Variants in ZNF516 observed in about 807,000 individuals in gnomAD.
ZNF516 encodes zinc finger protein 516.
In ZNF516, 19 loss-of-function variants were observed where a neutral mutation model predicts 79.7. The observed-to-expected ratio is 0.24, with a 90% CI of 0.17 to 0.35. ZNF516 has a LOEUF of 0.35. ZNF516 is among the 10% of genes least tolerant of loss of function. The probability of loss-of-function intolerance (pLI) is 1.00; values close to 1 mark genes in which losing one functional copy is unlikely to be tolerated. For missense variants in ZNF516, 1,678 were observed against 1,679.5 expected (o/e 1.00, Z 0.02); for synonymous variants, 877 against 739.5 (o/e 1.19, Z -3.02).
chr18:76,441,132 C>T (rs2075812062), intron 3 of ZNF516, 113 bp downstream of exon 3: 13 of 1,409,364 alleles, frequency 9.2e-6, no homozygotes, highest in Admixed American at 5.4e-5. Flanking sequence ...GAGTAAAGGG[C>T]CACCGGGTAA....
rs1487844580 is a variant in ZNF516, at chr18:76,370,515, T to C, written c.3432+13A>G. The C allele has an allele frequency of 3.8e-6, 6 of 1,597,776 alleles. No homozygotes were observed. Among genetic ancestry groups the C allele is most frequent in the Non-Finnish European group, 5.1e-6 (6 of 1,171,220 alleles). On this transcript the variant is annotated intron_variant, in intron 6 of 6. Transcript: ENST00000443185. The stretch of plus-strand genomic sequence containing the variant: ...CATCGAAACCCAGACATCCAATTCA[T>C]CATGAGACCTACTTGTTTGGGGGCG...
intron 3 of ZNF516, among the ~76,000 whole-genome samples, chr18:76,413,746 A>G (rs1056322928): frequency 1.3e-5 from 2 of 152,222 alleles, no homozygotes; most frequent in South Asian, 2.1e-4. Flanking sequence ...TGACTGTATA[A>G]AACTAAAATT....
At chr18:76,463,647 C>T (rs2145685728) in intron 1 of ZNF516, among the ~76,000 whole-genome samples, 1 of 152,314 alleles carries the variant, frequency 6.6e-6, no homozygotes, top group South Asian at 2.1e-4. Context: ...GCAGCATCTG[C>T]GTTTACAAAA....
intron 1 of ZNF516, among the ~76,000 whole-genome samples, chr18:76,483,296 G>A (rs559056814): frequency 1.3e-5 from 2 of 152,254 alleles, no homozygotes; most frequent in Non-Finnish European, 2.9e-5. Context: ...AAGAAAGGAG[G>A]AGAATGCACA....
chr18:76,378,175 G>A (rs2074818230), intron 4 of ZNF516: 1 of 152,248 alleles, frequency 6.6e-6, no homozygotes. Flanking sequence ...CGCATGCAGT[G>A]CGCGTGCCGG....
Position 76,441,754 on chromosome 18 carries a change from A to G in ZNF516, c.1301T>C (p.Leu434Pro). ...CGCCTCGTCCCAGGCCCCGTACTTG[A>G]GGTACTCGGCCGGCTCGGCCACCTT... ...RGKVAEPAEY[L>P]KYGAWDEALA... Residue 434 changes from leucine to proline, a missense_variant, in exon 3 of 7, where the codon CTC (leucine) becomes CCC (proline). Leu to Pro is a moderately conservative substitution (Grantham distance 98). Transcript: ENST00000443185. The G allele has an allele frequency of 6.4e-7, 1 of 1,571,084 alleles. No individual in the cohort carries two copies. Among genetic ancestry groups the G allele is most frequent in the African/African-American group, 1.3e-5 (1 of 74,160 alleles).
intron 3 of ZNF516, among the ~76,000 whole-genome samples, chr18:76,418,987 G>C (rs2075472321): frequency 6.6e-6 from 1 of 152,236 alleles, no homozygotes; most frequent in Non-Finnish European, 1.5e-5. Flanking sequence ...AGAGCAAGCT[G>C]GTGCCCAGCT....
chr18:76,404,400 T>C (rs1309179898), intron 3 of ZNF516, among the ~76,000 whole-genome samples: 1 of 147,328 alleles, frequency 6.8e-6, no homozygotes, highest in East Asian at 1.9e-4. Context: ...AGAGTATCTG[T>C]GTGAGTGTGG....
chr18:76,454,825 T>C (rs1912622297), intron 2 of ZNF516, among the ~76,000 whole-genome samples: 1 of 152,326 alleles, frequency 6.6e-6, no homozygotes, highest in East Asian at 1.9e-4. Flanking sequence ...TGTAACAATG[T>C]TGTTACATTA....
At chr18:76,418,181 A>G (rs1410168914) in intron 3 of ZNF516, among the ~76,000 whole-genome samples, 1 of 152,044 alleles carries the variant, frequency 6.6e-6, no homozygotes, top group Admixed American at 6.5e-5. Context: ...ACACGCTGCA[A>G]CACATGCTAT....
rs1006598920 is a variant in ZNF516 at position 76,390,912 on chromosome 18, C to A, written c.1811-10609G>T. On this transcript the variant is annotated intron_variant, in intron 3 of 6. Transcript: ENST00000443185. ...TTTTGTAGATACGAAACCTGAGGCA[C>A]AAAGCAGCTTATCTAAGGCCATCAG... is the stretch of plus-strand genomic sequence containing the variant. Among the ~76,000 whole-genome samples, 4 of 152,254 alleles carry A rather than the reference C, an allele frequency of 2.6e-5. No homozygotes were observed. The South Asian group carries it at 8.3e-4, about 32-fold the overall frequency.
intron 1 of ZNF516, chr18:76,492,926 G>T: frequency 1.0e-6 from 1 of 985,584 alleles, no homozygotes; most frequent in Non-Finnish European, 1.2e-6. Context: ...CTGCGGATGC[G>T]CGGGGCTGGC....
intron 3 of ZNF516, among the ~76,000 whole-genome samples, chr18:76,404,404 AGT>A (rs1340147327): frequency 6.6e-6 from 1 of 151,958 alleles, no homozygotes. Flanking sequence ...TATCTGTGTG[AGT>A]GTGGGGGTGA....
At chr18:76,439,199 G>T (rs978529003) in intron 3 of ZNF516, among the ~76,000 whole-genome samples, 1 of 152,124 alleles carries the variant, frequency 6.6e-6, no homozygotes, top group African/African-American at 2.4e-5. Flanking sequence ...AATGGAACAC[G>T]GTCTCTCTCT....
chr18:76,461,260 C>T (rs1024233143), intron 2 of ZNF516, among the ~76,000 whole-genome samples: 3 of 152,234 alleles, frequency 2.0e-5, no homozygotes, highest in African/African-American at 7.2e-5. Context: ...TCCTCCTGGA[C>T]ACTCCGTCAT....
At chr18:76,407,526 G>A (rs536707605) in intron 3 of ZNF516, among the ~76,000 whole-genome samples, 3 of 152,266 alleles carry the variant, frequency 2.0e-5, no homozygotes, top group Non-Finnish European at 2.9e-5. Context: ...AGGAGACGGG[G>A]CCATGTGATT....
At chr18:76,422,387 T>C (rs1040032653) in intron 3 of ZNF516, among the ~76,000 whole-genome samples, 4 of 152,254 alleles carry the variant, frequency 2.6e-5, no homozygotes, top group Non-Finnish European at 4.4e-5. Context: ...ACTCAGGCTA[T>C]GGAGCAGAGC....
rs548576282 is a variant in ZNF516 at position 76,375,008 on chromosome 18, T to G, written c.3260-3437A>C. 2.1e-3 allele frequency among the ~76,000 whole-genome samples: 312 copies of G among 151,674 alleles called. 1 individual carries two copies. The highest frequency in any genetic ancestry group is 7.3e-3 in the African/African-American group (302 of 41,322). On this transcript the variant is annotated intron_variant, in intron 4 of 6. Transcript: ENST00000443185. Reference sequence around the variant, plus strand: ...AAAGAAACAGCTGAACAGAAACAAGTGGAAGAAAAAAGCCCTAAGAAAGTG... The same window carrying G: ...AAAGAAACAGCTGAACAGAAACAAGGGGAAGAAAAAAGCCCTAAGAAAGTG...
chr18:76,384,318 C>T (rs1366256743), intron 3 of ZNF516, among the ~76,000 whole-genome samples: 2 of 140,178 alleles, frequency 1.4e-5, no homozygotes, highest in Non-Finnish European at 3.1e-5. Flanking sequence ...CCCCCATACC[C>T]CCTCCACCAC....
Sources: allele counts gnomAD v4.1 joint callset (sites outside exome capture counted in the v4.1 genomes callset), GRCh38; gene constraint gnomAD v4.1.1; transcripts MANE v1.5; gene names NCBI Gene and HGNC (gene_info 2026-07-23, HGNC 2026-07-21).